SHQ1: variants seen among roughly 807,000 people sequenced by gnomAD.
SHQ1 encodes SHQ1, H/ACA ribonucleoprotein assembly factor.
In SHQ1, 49 loss-of-function variants were observed where a neutral mutation model predicts 53.8. The observed-to-expected ratio is 0.91, with a 90% confidence interval of 0.72 to 1.16. The LOEUF (loss-of-function observed/expected upper bound fraction) is 1.16. Ranked by LOEUF, SHQ1 falls within the 50% of genes most tolerant of loss-of-function variation. SHQ1 has a pLI of 0.00. For missense variants in SHQ1, 738 were observed against 683.1 expected, an observed-to-expected ratio of 1.08 and a Z score of -0.90; for synonymous variants, 243 against 251.0, an observed-to-expected ratio of 0.97 and a Z score of 0.30.
intron 9 of SHQ1, among the ~76,000 whole-genome samples, chr3:72,809,007 G>A (rs1264647724): frequency 2.6e-5 from 4 of 152,152 alleles, no homozygotes; most frequent in Non-Finnish European, 4.4e-5. Context: ...GTGCTTTTCT[G>A]TTACCTTAAA....
intron 10 of SHQ1, among the ~76,000 whole-genome samples, chr3:72,767,851 A>T (rs1401632024): frequency 6.6e-6 from 1 of 152,230 alleles, no homozygotes; most frequent in African/African-American, 2.4e-5. Flanking sequence ...GCTGCCTAGC[A>T]TTTCATGTTC....
intron 4 of SHQ1, among the ~76,000 whole-genome samples, chr3:72,835,056 C>T (rs1419158445): frequency 6.6e-6 from 1 of 151,564 alleles, no homozygotes; most frequent in Admixed American, 6.6e-5. Context: ...AAGCTGTCCT[C>T]ATTCCTTGGT....
chr3:72,831,314 G>A (rs1707811747), intron 5 of SHQ1, among the ~76,000 whole-genome samples: 1 of 152,190 alleles, frequency 6.6e-6, no homozygotes, highest in Non-Finnish European at 1.5e-5. Flanking sequence ...CTGTGTCACA[G>A]GAGATAGAAT....
intron 9 of SHQ1, among the ~76,000 whole-genome samples, chr3:72,801,719 A>G (rs1162746208): frequency 1.3e-5 from 2 of 152,222 alleles, no homozygotes; most frequent in African/African-American, 4.8e-5. Context: ...ATGCTTCTTT[A>G]TATTTTAATC....
rs374260507 is a variant in SHQ1, at chr3:72,848,374, C to A, written c.-34G>T. ...CGGACGCAAGGGCCGGCGCCGCTCG[C>A]TCTCACTGCCGCCGCGTTCCCGCCA... On this transcript the variant is annotated 5_prime_UTR_variant, in exon 1 of 11. Transcript: ENST00000325599. The A allele has an allele frequency of 1.9e-6, 3 of 1,609,726 alleles. No homozygotes were observed. The highest frequency in any genetic ancestry group is 4.5e-5 in the East Asian group (2 of 44,744).
chr3:72,747,479 G>A (rs1400481223), downstream of SHQ1, among the ~76,000 whole-genome samples: 1 of 152,232 alleles, frequency 6.6e-6, no homozygotes, highest in Admixed American at 6.5e-5. Context: ...AAAACAAGGT[G>A]AGATCTACTG....
the SHQ1 span, among the ~76,000 whole-genome samples, chr3:72,729,209 T>A: frequency 6.6e-6 from 1 of 152,216 alleles, no homozygotes; most frequent in Non-Finnish European, 1.5e-5. Flanking sequence ...GCCCCTGGAT[T>A]CGTTAGTGGC....
chr3:72,847,052 T>C (rs1181965290), intron 1 of SHQ1, among the ~76,000 whole-genome samples: 1 of 152,188 alleles, frequency 6.6e-6, no homozygotes, highest in Non-Finnish European at 1.5e-5. Context: ...CACAATTAAG[T>C]ACACTGTTTA....
chr3:72,797,482 A>G (rs1391990674), intron 9 of SHQ1, among the ~76,000 whole-genome samples: 2 of 152,182 alleles, frequency 1.3e-5, no homozygotes, highest in Non-Finnish European at 2.9e-5. Context: ...AAAAATTAAG[A>G]CATGTTCAAC....
rs769960401 is a variant in SHQ1 at position 72,846,096 on chromosome 3, G to A, written c.144-1673C>T. On this transcript the variant is annotated intron_variant, in intron 1 of 10. Transcript: ENST00000325599. Reference sequence around the variant, plus strand: ...ATGAAATGATAATGCAAAGAGCTTAGTGGCCGGCACAACAGGTGAGCATTC... The same window carrying A: ...ATGAAATGATAATGCAAAGAGCTTAATGGCCGGCACAACAGGTGAGCATTC... The A allele has an allele frequency of 5.6e-5, 53 of 953,786 alleles. 1 individual carries two copies. Among genetic ancestry groups the A allele is most frequent in the Middle Eastern group, 2.8e-4 (1 of 3,574 alleles). 59.1% of individuals were successfully genotyped at this position (953,786 alleles called of 1,614,324 possible).
chr3:72,746,867 A>G (rs139043979), downstream of SHQ1, among the ~76,000 whole-genome samples: 56 of 152,336 alleles, frequency 3.7e-4, 1 homozygote, highest in African/African-American at 1.3e-3. Context: ...TACTTTTTCA[A>G]ACTGGCTTCA....
At chr3:72,832,622 A>G in intron 4 of SHQ1, 141 bp from the exon 5 acceptor site, 1 of 608,798 alleles carries the variant, frequency 1.6e-6, no homozygotes, top group Non-Finnish European at 2.9e-6. Context: ...ATTTAGATTC[A>G]AATCCAACAA....
At chr3:72,846,083 T>A (rs1277503916) in intron 1 of SHQ1, 6 of 821,926 alleles carry the variant, frequency 7.3e-6, no homozygotes, top group African/African-American at 1.7e-5. Flanking sequence ...GAAATGATAA[T>A]GCAAAGAGCT....
At chr3:72,804,484 C>T (rs1223640632) in intron 9 of SHQ1, among the ~76,000 whole-genome samples, 1 of 148,488 alleles carries the variant, frequency 6.7e-6, no homozygotes. Context: ...CATGTGTTCT[C>T]ATCATAAATA....
chr3:72,800,803 G>A (rs1217431815), intron 9 of SHQ1, among the ~76,000 whole-genome samples: 1 of 152,128 alleles, frequency 6.6e-6, no homozygotes, highest in Non-Finnish European at 1.5e-5. Context: ...TATACAATTT[G>A]TTTACTCCTT....
intron 5 of SHQ1, among the ~76,000 whole-genome samples, chr3:72,828,350 G>T (rs1312679979): frequency 6.6e-6 from 1 of 152,108 alleles, no homozygotes; most frequent in Non-Finnish European, 1.5e-5. Context: ...GGCAATGTGG[G>T]GTCAGGGGAA....
Position 72,840,314 on chromosome 3 carries a change from A to C in SHQ1, c.486+731T>G, listed in dbSNP as rs146087531. ...CACAGTGGCTCATGCCTATAATCCC[A>C]GAACTTTGGGAGGCCAAGGCAGGCA... On this transcript the variant is annotated intron_variant, in intron 4 of 10. Coordinates refer to ENST00000325599, the MANE Select transcript of SHQ1 (RefSeq NM_018130.3). Among the ~76,000 whole-genome samples, 1,470 of 151,758 alleles carry C rather than the reference A, an allele frequency of 9.7e-3. 14 individuals carry two copies. Among genetic ancestry groups the C allele is most frequent in the Non-Finnish European group, 0.015 (1,029 of 67,872 alleles).
chr3:72,833,410 T>C (rs9856562), intron 4 of SHQ1, among the ~76,000 whole-genome samples: 49,049 of 151,632 alleles, frequency 0.32, 9,727 homozygotes, highest in African/African-American at 0.56. Flanking sequence ...CACTGCACTC[T>C]GGCCTGGGCG....
At chr3:72,759,696 A>C (rs1177049129) in intron 10 of SHQ1, among the ~76,000 whole-genome samples, 1 of 152,234 alleles carries the variant, frequency 6.6e-6, no homozygotes, top group East Asian at 1.9e-4. Flanking sequence ...TGTGTCAAAA[A>C]AACAACAACA....
Sources: allele counts gnomAD v4.1 joint callset (sites outside exome capture counted in the v4.1 genomes callset), GRCh38; gene constraint gnomAD v4.1.1; transcripts MANE v1.5; gene names NCBI Gene and HGNC (gene_info 2026-07-23, HGNC 2026-07-21).